The following OTOGL variants were observed in gnomAD, a reference collection of about 807,000 sequenced individuals.
OTOGL encodes otogelin-like protein.
In OTOGL, 285 loss-of-function variants were observed where a neutral mutation model predicts 318.5. The observed-to-expected ratio is 0.89, with a 90% CI of 0.81 to 0.99. The LOEUF is 0.99. Among genes scored for constraint, OTOGL ranks in the 50% least tolerant of loss-of-function variants. OTOGL has a pLI of 0.00. For missense variants in OTOGL, 2,899 were observed against 2,845.6 expected (o/e 1.02, Z -0.43); for synonymous variants, 987 against 936.5 (o/e 1.05, Z -0.99).
intron 6 of OTOGL, among the ~76,000 whole-genome samples, chr12:80,220,381 A>G (rs1057158140): frequency 2.7e-5 from 4 of 150,932 alleles, no homozygotes; most frequent in Non-Finnish European, 5.9e-5. Flanking sequence ...ATGCTCTTGA[A>G]CTCCTGAACT....
intron 1 of OTOGL, among the ~76,000 whole-genome samples, chr12:80,174,367 A>G (rs1314971881): frequency 2.0e-5 from 3 of 152,170 alleles, no homozygotes; most frequent in South Asian, 2.1e-4. Context: ...CCAGTCTCCC[A>G]TTTTTACTAA....
chr12:80,293,655 AG>A (rs1464281052), intron 26 of OTOGL, among the ~76,000 whole-genome samples: 2 of 147,928 alleles, frequency 1.4e-5, no homozygotes, highest in African/African-American at 4.9e-5. Context: ...TCATATGTTC[AG>A]CTTTTTTTTT....
At chr12:80,212,057 T>C (rs978060719) in intron 4 of OTOGL, 60 bp downstream of exon 4, 11 of 1,446,964 alleles carry the variant, frequency 7.6e-6, no homozygotes, top group African/African-American at 1.4e-5. Context: ...TTTTGGACTC[T>C]GCTGTCACTT....
intron 57 of OTOGL, among the ~76,000 whole-genome samples, chr12:80,372,662 C>G (rs900815805): frequency 2.7e-5 from 4 of 150,912 alleles, no homozygotes; most frequent in African/African-American, 9.8e-5. Flanking sequence ...TTTTTATTAG[C>G]TTGGATTATA....
intron 1 of OTOGL, among the ~76,000 whole-genome samples, chr12:80,108,914 ATGTG>A (rs1869652612): frequency 1.6e-5 from 2 of 122,442 alleles, no homozygotes; most frequent in Admixed American, 1.8e-4. Flanking sequence ...GTGTATATAT[ATGTG>A]TATATATATA....
chr12:80,330,940 A>G lies in OTOGL; in HGVS notation c.4348+1821A>G, dbSNP rs74616178. ...GTAGCAAAAGAAGTGTAAAATTTGTACCATAAAAGCTATGAAACATTGTTG... is the reference window on the plus strand; with the variant it reads ...GTAGCAAAAGAAGTGTAAAATTTGTGCCATAAAAGCTATGAAACATTGTTG... On this transcript the variant is annotated intron_variant, in intron 37 of 58. Transcript: ENST00000547103. Among the ~76,000 whole-genome samples the G allele has an allele frequency of 9.1e-3, 1,379 of 152,336 alleles. 13 individuals are homozygous for G. The highest frequency in any genetic ancestry group is 0.028 in the African/African-American group (1,145 of 41,584).
At chr12:80,148,711 T>G (rs967321201) in intron 1 of OTOGL, among the ~76,000 whole-genome samples, 6 of 152,154 alleles carry the variant, frequency 3.9e-5, no homozygotes, top group African/African-American at 1.4e-4. Context: ...TAGATTTGGT[T>G]TTTTCACATA....
At chr12:80,155,116 T>C (rs923967060) in intron 1 of OTOGL, among the ~76,000 whole-genome samples, 2 of 152,232 alleles carry the variant, frequency 1.3e-5, no homozygotes, top group Non-Finnish European at 2.9e-5. Flanking sequence ...TTGGCGCATT[T>C]ATAATTGAGT....
At chr12:80,348,534 C>T (rs1889346007) in intron 44 of OTOGL, among the ~76,000 whole-genome samples, 1 of 151,952 alleles carries the variant, frequency 6.6e-6, no homozygotes, top group Non-Finnish European at 1.5e-5. Context: ...TCTTCTACCA[C>T]TGAGCTTCAT....
chr12:80,123,034 CTT>C (rs922026290), intron 1 of OTOGL, among the ~76,000 whole-genome samples: 2 of 144,694 alleles, frequency 1.4e-5, no homozygotes, highest in African/African-American at 5.0e-5. Flanking sequence ...GATTTCTTTT[CTT>C]TTTTTTTTTA....
At chr12:80,349,353 G>A (rs563334565) in intron 44 of OTOGL, among the ~76,000 whole-genome samples, 2 of 151,980 alleles carry the variant, frequency 1.3e-5, no homozygotes, top group African/African-American at 4.8e-5. Flanking sequence ...TACTATTAAC[G>A]CTATTTCACA....
rs776156060 is a variant in OTOGL, at chr12:80,328,615, T to A, written c.4200-50T>A. ...ATGTTAAATGTAGTCCTTTTTTTTT[T>A]GTATTTCAAACTTTTCTTCACTTTG... On this transcript the variant is annotated intron_variant, in intron 35 of 58. Coordinates refer to ENST00000547103, the MANE Select transcript of OTOGL (RefSeq NM_001378609.3). 4 of 1,362,518 alleles carry A rather than the reference T, an allele frequency of 2.9e-6. No individual in the cohort carries two copies. In the African/African-American group the frequency reaches 5.8e-5, roughly 20 times the overall value. 84.4% of individuals were successfully genotyped at this position (1,362,518 alleles called of 1,614,324 possible). A position where few individuals can be genotyped will look rare whatever the true frequency, so the allele number is the denominator to read the frequency against.
chr12:80,194,245 A>G (rs1875890535), intron 1 of OTOGL, among the ~76,000 whole-genome samples: 2 of 152,236 alleles, frequency 1.3e-5, no homozygotes, highest in Admixed American at 6.5e-5. Flanking sequence ...ATTTTAGATG[A>G]TAGCCTAATA....
At chr12:80,325,495 AC>A (rs1355055034) in intron 35 of OTOGL, among the ~76,000 whole-genome samples, 1 of 152,190 alleles carries the variant, frequency 6.6e-6, no homozygotes, top group Non-Finnish European at 1.5e-5. Flanking sequence ...GAGAAGCTAC[AC>A]AGTTTGCCCT....
chr12:80,274,019 C>G (rs563714180), intron 24 of OTOGL, among the ~76,000 whole-genome samples: 2 of 152,094 alleles, frequency 1.3e-5, no homozygotes, highest in African/African-American at 2.4e-5. Flanking sequence ...TCCACCATCT[C>G]TCTTGCTCTT....
chr12:80,104,336 CT>C (rs1869323241), intron 1 of OTOGL, among the ~76,000 whole-genome samples: 2 of 152,204 alleles, frequency 1.3e-5, no homozygotes, highest in Non-Finnish European at 2.9e-5. Context: ...ATACCTCAAG[CT>C]TTTCCATTTC....
chr12:80,141,138 A>G (rs1871909583), intron 1 of OTOGL, among the ~76,000 whole-genome samples: 1 of 152,144 alleles, frequency 6.6e-6, no homozygotes, highest in Non-Finnish European at 1.5e-5. Flanking sequence ...GCTGGTAATT[A>G]TACTCTGTCA....
intron 1 of OTOGL, among the ~76,000 whole-genome samples, chr12:80,145,895 T>C (rs918988052): frequency 1.1e-4 from 16 of 151,774 alleles, no homozygotes; most frequent in African/African-American, 2.9e-4. Flanking sequence ...TTGTGATTTT[T>C]GTACATTGAT....
At chr12:80,363,869 G>A (rs896202) in intron 52 of OTOGL, among the ~76,000 whole-genome samples, 108,796 of 151,898 alleles carry the variant, frequency 0.72, 40,851 homozygotes, top group Non-Finnish European at 0.84. Context: ...CAGTCTCTAT[G>A]TTCATACATT....
Sources: allele counts gnomAD v4.1 joint callset (sites outside exome capture counted in the v4.1 genomes callset), GRCh38; gene constraint gnomAD v4.1.1; transcripts MANE v1.5; gene names NCBI Gene and HGNC (gene_info 2026-07-23, HGNC 2026-07-21).